EP300: variants seen among roughly 807,000 people sequenced by gnomAD.
The protein encoded by EP300 is EP300 lysine acetyltransferase.
EP300 carries 31 observed loss-of-function variants against 264.0 expected under a neutral mutation model. That is an observed-to-expected ratio of 0.12 (90% confidence interval 0.09 to 0.16). The LOEUF (loss-of-function observed/expected upper bound fraction) is 0.16, where lower values mean the gene tolerates loss of function less well. Ranked by LOEUF, EP300 falls within the 10% of genes least tolerant of loss-of-function variation. The pLI is 1.00. For missense variants in EP300, 2,766 were observed against 3,052.9 expected (o/e 0.91, Z 2.21); for synonymous variants, 1,340 against 1,045.4 (o/e 1.28, Z -5.44).
At chr22:41,151,215 G>A (rs574721254) in intron 14 of EP300, among the ~76,000 whole-genome samples, 15 of 152,066 alleles carry the variant, frequency 9.9e-5, no homozygotes, top group Non-Finnish European at 1.9e-4. Flanking sequence ...CTGGTTCATC[G>A]TGGCCTCTGA....
In EP300 at chr22:41,150,067, C is replaced by A. The variant is rs2145737648; in HGVS notation, c.2686C>A (p.Gln896Lys). ...ACCACCAACAACACAACTTCCCCAACAAGTGCAGCCTTCACTTCCTGCTGC... is the reference window on the plus strand; with the variant it reads ...ACCACCAACAACACAACTTCCCCAAAAAGTGCAGCCTTCACTTCCTGCTGC... Reference protein sequence around the residue: ...PTPPTTQLPQQVQPSLPAAPS... With the variant: ...PTPPTTQLPQKVQPSLPAAPS... Residue 896 changes from glutamine (Q) to lysine (K), a missense_variant, in exon 14 of 31, where the codon CAA becomes AAA. Physicochemically the swap from Gln to Lys is moderately conservative, Grantham distance 53 (BLOSUM62 1). Transcript: ENST00000263253. The A allele has an allele frequency of 6.2e-7, 1 of 1,613,944 alleles. No individual in the cohort carries two copies. The highest frequency in any genetic ancestry group is 8.5e-7 in the Non-Finnish European group (1 of 1,180,046).
intron 10 of EP300, among the ~76,000 whole-genome samples, chr22:41,142,926 G>A (rs2145728350): frequency 6.6e-6 from 1 of 152,054 alleles, no homozygotes; most frequent in East Asian, 1.9e-4. Flanking sequence ...ACTTGGTTTT[G>A]GTAGAATTTA....
Position 41,092,944 on chromosome 22 carries a change from CGAA to C in EP300, c.-55_-53del, listed in dbSNP as rs1362551619. The C allele has an allele frequency of 3.9e-5, 63 of 1,597,026 alleles. No individual in the cohort carries two copies. The highest frequency in any genetic ancestry group is 5.2e-5 in the Non-Finnish European group (61 of 1,165,214). ...TGGGTGCGGCGCGGGGACCCCGGGCCGAAGAAGAGATTTCCTGAGGATTCTGGT... is the reference window on the plus strand; with the variant it reads ...TGGGTGCGGCGCGGGGACCCCGGGCCGAAGAGATTTCCTGAGGATTCTGGT... On this transcript the variant is annotated 5_prime_UTR_variant, in exon 1 of 31. Transcript: ENST00000263253.
At chr22:41,134,163 C>CTTTTTTTTTTTTTTTTTTTT (rs11362436) in intron 6 of EP300, among the ~76,000 whole-genome samples, 27 of 105,624 alleles carry the variant, frequency 2.6e-4, no homozygotes, top group East Asian at 5.4e-4. Flanking sequence ...TCATTCTTTT[C>CTTTTTTTTTTTTTTTTTTTT]TTTTTTTTTT....
chr22:41,100,444 GTATAAGAA>G (rs1211678475), intron 1 of EP300, among the ~76,000 whole-genome samples: 1 of 152,092 alleles, frequency 6.6e-6, no homozygotes, highest in Non-Finnish European at 1.5e-5. Flanking sequence ...TTTTCTAGGA[GTATAAGAA>G]TATAGGAACA....
chr22:41,167,826 GTTTTT>G (rs1192332279), intron 23 of EP300, among the ~76,000 whole-genome samples: 1,209 of 32,088 alleles, frequency 0.038, 44 homozygotes, highest in Non-Finnish European at 0.05. Context: ...TTTTTTTTTT[GTTTTT>G]TTTTTTTTTT....
Position 41,117,473 on chromosome 22 carries a change from A to C in EP300, c.381A>C (p.Thr127=). 1.9e-6 allele frequency: 3 copies of C among 1,613,846 alleles called. No individual in the cohort carries two copies. The highest frequency in any genetic ancestry group is 2.5e-6 in the Non-Finnish European group (3 of 1,179,688). ...ATAGCATGGTCAAAAGCCCAATGAC[A>C]CAGGCAGGCTTGACTTCTCCCAACA... ...LINSMVKSPM[T]QAGLTSPNMG... is the part of the protein sequence containing the mutation. Residue 127 remains threonine, a synonymous_variant, in exon 2 of 31, where the codon ACA becomes ACC. Transcript: ENST00000263253.
At chr22:41,143,855 A>G (rs558160910) in intron 10 of EP300, among the ~76,000 whole-genome samples, 2 of 152,248 alleles carry the variant, frequency 1.3e-5, no homozygotes, top group Non-Finnish European at 2.9e-5. Context: ...CTGGGATTAC[A>G]GGCTTGAGCC....
intron 1 of EP300, among the ~76,000 whole-genome samples, chr22:41,098,817 TACTTA>T (rs762052057): frequency 6.6e-6 from 1 of 152,120 alleles, no homozygotes; most frequent in Non-Finnish European, 1.5e-5. Flanking sequence ...TTGGGCCAAA[TACTTA>T]ACCTGGCTCA....
chr22:41,108,938 G>A (rs1160591319), intron 1 of EP300, among the ~76,000 whole-genome samples: 1 of 152,190 alleles, frequency 6.6e-6, no homozygotes, highest in Non-Finnish European at 1.5e-5. Flanking sequence ...GGGGGCAAAA[G>A]TAGATAAATA....
intron 2 of EP300, among the ~76,000 whole-genome samples, chr22:41,119,188 T>TTA (rs1555906156): frequency 7.0e-6 from 1 of 143,100 alleles, no homozygotes; most frequent in Non-Finnish European, 1.5e-5. Context: ...TTTTTTTTTT[T>TTA]TTTTTTTTTT....
chr22:41,124,387 A>G (rs191916311), intron 2 of EP300, among the ~76,000 whole-genome samples: 1 of 152,308 alleles, frequency 6.6e-6, no homozygotes, highest in East Asian at 1.9e-4. Flanking sequence ...GCTCTATGTA[A>G]AGGAGTCAGA....
intron 22 of EP300, among the ~76,000 whole-genome samples, chr22:41,165,180 G>A (rs1569114320): frequency 6.6e-6 from 1 of 152,148 alleles, no homozygotes; most frequent in Non-Finnish European, 1.5e-5. Context: ...TTCCTTAACA[G>A]ATTTCGTAAG....
intron 12 of EP300, among the ~76,000 whole-genome samples, chr22:41,148,160 A>G (rs753027181): frequency 6.6e-6 from 1 of 152,206 alleles, no homozygotes; most frequent in Non-Finnish European, 1.5e-5. Flanking sequence ...AGTGGCCTGC[A>G]TGCGTTTTCA....
intron 18 of EP300, among the ~76,000 whole-genome samples, chr22:41,157,945 A>T (rs2059086650): frequency 6.6e-6 from 1 of 152,264 alleles, no homozygotes; most frequent in Non-Finnish European, 1.5e-5. Context: ...AATAATCAAC[A>T]GACTGTTAAC....
intron 28 of EP300, among the ~76,000 whole-genome samples, chr22:41,172,906 AACTG>A (rs1370002224): frequency 1.3e-5 from 2 of 152,250 alleles, no homozygotes; most frequent in African/African-American, 4.8e-5. Flanking sequence ...TGATAAAAGA[AACTG>A]AAGGAAATCC....
At chr22:41,170,962 C>CTT (rs566562957) in intron 27 of EP300, among the ~76,000 whole-genome samples, 189 of 136,606 alleles carry the variant, frequency 1.4e-3, no homozygotes, top group Middle Eastern at 3.9e-3. Flanking sequence ...CGTGCCCAGC[C>CTT]TTTTTTTTTT....
Position 41,092,857 on chromosome 22 carries a change from C to A in EP300, c.-148C>A. 2 of 854,386 alleles carry A rather than the reference C, an allele frequency of 2.3e-6. No homozygotes were observed. The highest frequency in any genetic ancestry group is 4.0e-6 in the Non-Finnish European group (2 of 498,334). The allele number at this position is 854,386 out of a possible 1,614,324, so 52.9% of individuals were successfully genotyped here. ...TCCCTCTCCAGCCACTGCGACCCGGCGAAGAGAAAAAGGAACTTCCCCCAC... is the reference window on the plus strand; with the variant it reads ...TCCCTCTCCAGCCACTGCGACCCGGAGAAGAGAAAAAGGAACTTCCCCCAC... On this transcript the variant is annotated 5_prime_UTR_variant, in exon 1 of 31. Transcript: ENST00000263253.
chr22:41,174,493 C>A (rs575032950), intron 29 of EP300: 2 of 152,292 alleles, frequency 1.3e-5, no homozygotes, highest in East Asian at 3.9e-4. Flanking sequence ...TATGGACTTA[C>A]AACCCCCTTC....
Sources: gnomAD v4.1 joint callset for allele counts (sites outside exome capture counted in the v4.1 genomes callset) on GRCh38, gnomAD v4.1.1 for gene constraint, MANE v1.5 for transcripts, NCBI Gene and HGNC (gene_info 2026-07-23, HGNC 2026-07-21) for gene names.